FRMD4B: variants seen among roughly 807,000 people sequenced by gnomAD.
The protein encoded by FRMD4B is FERM domain containing 4B.
A neutral mutation model predicts 141.5 loss-of-function variants in FRMD4B; 74 were observed. That is an observed-to-expected ratio of 0.52 (90% confidence interval 0.43 to 0.63). FRMD4B has a LOEUF of 0.63. FRMD4B is among the 30% of genes least tolerant of loss of function. FRMD4B has a pLI of 0.00. For synonymous variants in FRMD4B, 506 were observed against 467.9 expected, an observed-to-expected ratio of 1.08 and a Z score of -1.05; for missense variants, 1,366 against 1,253.4, an observed-to-expected ratio of 1.09 and a Z score of -1.36.
intron 5 of FRMD4B, among the ~76,000 whole-genome samples, chr3:69,268,660 T>A (rs966593045): frequency 6.6e-6 from 1 of 151,876 alleles, no homozygotes; most frequent in Admixed American, 6.6e-5. Context: ...GAAGAAAGGA[T>A]GAATCAGGAG....
intron 19 of FRMD4B, 147 bp from the exon 20 acceptor site, chr3:69,182,864 A>G: frequency 2.7e-6 from 2 of 732,758 alleles, no homozygotes; most frequent in Non-Finnish European, 4.4e-6. Context: ...GTGGTTCACT[A>G]AACCACAAAG....
intron 1 of FRMD4B, among the ~76,000 whole-genome samples, chr3:69,477,263 G>A (rs1038086357): frequency 6.6e-6 from 1 of 151,416 alleles, no homozygotes; most frequent in East Asian, 1.9e-4. Context: ...TGGTGAGAGA[G>A]GGCATCCCTG....
intron 1 of FRMD4B, among the ~76,000 whole-genome samples, chr3:69,486,205 A>T (rs1706213029): frequency 6.6e-6 from 1 of 152,202 alleles, no homozygotes. Flanking sequence ...AACTGTTGCC[A>T]ACTAATTCAA....
chr3:69,179,143 T>C (rs943372387), intron 21 of FRMD4B, among the ~76,000 whole-genome samples: 4 of 152,166 alleles, frequency 2.6e-5, no homozygotes, highest in Admixed American at 2.0e-4. Context: ...TGTAGTTCTT[T>C]AAAGAGTGAT....
intron 1 of FRMD4B, among the ~76,000 whole-genome samples, chr3:69,451,003 A>G (rs1705488283): frequency 6.6e-6 from 1 of 152,312 alleles, no homozygotes; most frequent in South Asian, 2.1e-4. Context: ...CGAGTTTTAG[A>G]TTATGTACAA....
chr3:69,257,242 T>G (rs990977828), intron 5 of FRMD4B, among the ~76,000 whole-genome samples: 1 of 152,228 alleles, frequency 6.6e-6, no homozygotes, highest in Non-Finnish European at 1.5e-5. Flanking sequence ...TATTCTGGCA[T>G]TACTCCACTG....
intron 1 of FRMD4B, among the ~76,000 whole-genome samples, chr3:69,517,276 A>C (rs1206067499): frequency 6.6e-6 from 1 of 152,192 alleles, no homozygotes; most frequent in East Asian, 1.9e-4. Flanking sequence ...ATAATATGCA[A>C]TATGTACAAC....
chr3:69,417,011 T>C (rs1182503778), intron 2 of FRMD4B, among the ~76,000 whole-genome samples: 1 of 152,222 alleles, frequency 6.6e-6, no homozygotes, highest in Admixed American at 6.5e-5. Context: ...GCAACAAACA[T>C]ATGTGTGCAT....
intron 1 of FRMD4B, among the ~76,000 whole-genome samples, chr3:69,493,453 A>T (rs558102425): frequency 6.6e-6 from 1 of 152,346 alleles, no homozygotes; most frequent in Admixed American, 6.5e-5. Flanking sequence ...AGCCAAACAA[A>T]ACACACTGTG....
At chr3:69,343,792 C>T (rs758371362) in intron 1 of FRMD4B, among the ~76,000 whole-genome samples, 2 of 151,880 alleles carry the variant, frequency 1.3e-5, no homozygotes, top group Admixed American at 6.6e-5. Flanking sequence ...ATTAGCCAGG[C>T]TGGTATCGAA....
chr3:69,538,190 A>G (rs1701113901), intron 1 of FRMD4B, among the ~76,000 whole-genome samples: 1 of 152,228 alleles, frequency 6.6e-6, no homozygotes, highest in Non-Finnish European at 1.5e-5. Context: ...AAAAAGGCAG[A>G]CCTGAGGAAT....
chr3:69,511,701 G>T (rs1226436971), intron 1 of FRMD4B, among the ~76,000 whole-genome samples: 1 of 152,188 alleles, frequency 6.6e-6, no homozygotes, highest in Non-Finnish European at 1.5e-5. Flanking sequence ...TCTTAGAGCT[G>T]AGTAGAGTCT....
chr3:69,293,867 C>T (rs1700954491), intron 4 of FRMD4B, among the ~76,000 whole-genome samples: 1 of 98,840 alleles, frequency 1.0e-5, no homozygotes, highest in Non-Finnish European at 1.8e-5. Context: ...GGTGACAGAG[C>T]TAGATTCTGC....
chr3:69,365,345 T>C (rs1321211372), intron 1 of FRMD4B, among the ~76,000 whole-genome samples: 1 of 152,118 alleles, frequency 6.6e-6, no homozygotes, highest in African/African-American at 2.4e-5. Flanking sequence ...TTAAGAAAGT[T>C]ATGGAAATTG....
chr3:69,237,570 G>A (rs2093353358), intron 7 of FRMD4B, among the ~76,000 whole-genome samples: 1 of 152,114 alleles, frequency 6.6e-6, no homozygotes. Context: ...CTTCATGGGG[G>A]TTTAGGTGTG....
At chr3:69,285,642 G>C (rs1171530313) in intron 5 of FRMD4B, among the ~76,000 whole-genome samples, 1 of 152,072 alleles carries the variant, frequency 6.6e-6, no homozygotes, top group East Asian at 1.9e-4. Context: ...TCAGGAGTTT[G>C]AGACCAGCCT....
intron 1 of FRMD4B, among the ~76,000 whole-genome samples, chr3:69,523,002 T>G (rs1292353274): frequency 5.3e-5 from 8 of 151,958 alleles, no homozygotes; most frequent in Admixed American, 5.2e-4. Context: ...AGATTCCTCC[T>G]CTGAGGGAAA....
chr3:69,330,062 CT>C (rs774376577), intron 1 of FRMD4B, among the ~76,000 whole-genome samples: 5 of 152,094 alleles, frequency 3.3e-5, no homozygotes, highest in Non-Finnish European at 7.4e-5. Context: ...TCTTTTGCCA[CT>C]GGAATGTAAG....
At chr3:69,251,898 C>G (rs936740046) in intron 5 of FRMD4B, among the ~76,000 whole-genome samples, 3 of 152,136 alleles carry the variant, frequency 2.0e-5, no homozygotes, top group Admixed American at 6.6e-5. Flanking sequence ...AAGAAACTCA[C>G]GGCAAGGGAG....
Sources: allele counts gnomAD v4.1 joint callset (sites outside exome capture counted in the v4.1 genomes callset), GRCh38; gene constraint gnomAD v4.1.1; transcripts MANE v1.5; gene names NCBI Gene and HGNC (gene_info 2026-07-23, HGNC 2026-07-21).